The following CGRRF1 variants were observed in gnomAD, a reference collection of about 807,000 sequenced individuals.
CGRRF1 encodes cell growth regulator with RING finger domain protein 1.
Under a neutral mutation model 37.2 loss-of-function variants are expected in CGRRF1, and 32 were observed. That is an observed-to-expected ratio of 0.86 (90% CI 0.65 to 1.16). The LOEUF (loss-of-function observed/expected upper bound fraction) is 1.16. Ranked by LOEUF, CGRRF1 falls within the 50% of genes most tolerant of loss-of-function variation. The pLI is 0.00. For synonymous variants in CGRRF1, 141 were observed against 140.3 expected, an observed-to-expected ratio of 1.00 and a Z score of -0.04; for missense variants, 391 against 382.6, an observed-to-expected ratio of 1.02 and a Z score of -0.18.
chr14:54,530,155 C>G lies in CGRRF1; in HGVS notation c.351C>G (p.Cys117Trp). 1 of 1,613,478 alleles carries G rather than the reference C, an allele frequency of 6.2e-7. No individual in the cohort carries two copies. The highest frequency in any genetic ancestry group is 2.2e-5 in the East Asian group (1 of 44,854). The change falls in exon 3 of 6, where the codon TGC becomes TGG. Residue 117 changes from cysteine to tryptophan, a missense_variant. Transcript: ENST00000216420. ...AAGCTCTGCAGAAGCATGTTTATTGCTTCAGAATAAGCACTCCCCAAGCAT... is the reference window on the plus strand; with the variant it reads ...AAGCTCTGCAGAAGCATGTTTATTGGTTCAGAATAAGCACTCCCCAAGCAT... ...LYEALQKHVY[C>W]FRISTPQALE...
rs1175287499 is a variant in CGRRF1, at chr14:54,530,050, T to C, written c.246T>C (p.Thr82=). ...ITNPSSASIT[T]GITLTTDCLE... ...TTCTTTCTCCTTTGTTTTTTACAGC[T>C]GGCATAACCTTGACAACAGATTGCC... Residue 82 remains threonine, a splice_region_variant and synonymous_variant, in exon 3 of 6, where the codon ACT becomes ACC. Transcript: ENST00000216420. 22 of 1,600,652 alleles carry C rather than the reference T, an allele frequency of 1.4e-5. No homozygotes were observed. The highest frequency in any genetic ancestry group is 1.9e-5 in the Non-Finnish European group (22 of 1,169,940).
chr14:54,534,501 G>A (rs996733150), intron 4 of CGRRF1, among the ~76,000 whole-genome samples: 1 of 152,098 alleles, frequency 6.6e-6, no homozygotes, highest in Admixed American at 6.5e-5. Context: ...AAAGCCTCTG[G>A]TGCCATTACT....
intron 1 of CGRRF1, among the ~76,000 whole-genome samples, chr14:54,515,724 G>A (rs1274835293): frequency 1.3e-5 from 2 of 152,102 alleles, no homozygotes; most frequent in Non-Finnish European, 2.9e-5. Context: ...TGGTATTAAT[G>A]TAGCTACTTC....
intron 1 of CGRRF1, among the ~76,000 whole-genome samples, chr14:54,510,520 T>C (rs1043743950): frequency 6.6e-6 from 1 of 152,236 alleles, no homozygotes; most frequent in Non-Finnish European, 1.5e-5. Context: ...ATGGAGCCCT[T>C]AGCCTCAGAT....
At chr14:54,518,928 G>GTTGTTTTGTTTTGTT (rs557229779) in intron 1 of CGRRF1, among the ~76,000 whole-genome samples, 5 of 151,954 alleles carry the variant, frequency 3.3e-5, no homozygotes, top group African/African-American at 1.2e-4. Flanking sequence ...CTAGGTTTTT[G>GTTGTTTTGTTTTGTT]TTGTTTTGTT....
At chr14:54,524,402 T>TC (rs936719066) in intron 2 of CGRRF1, among the ~76,000 whole-genome samples, 2 of 151,240 alleles carry the variant, frequency 1.3e-5, no homozygotes, top group African/African-American at 4.9e-5. Flanking sequence ...TTTTTTTTTT[T>TC]CGAGACAGGC....
intron 1 of CGRRF1, among the ~76,000 whole-genome samples, chr14:54,520,465 A>C (rs1379127309): frequency 6.6e-6 from 1 of 152,182 alleles, no homozygotes; most frequent in Non-Finnish European, 1.5e-5. Context: ...ACCATTTACC[A>C]AGTGTTATCA....
chr14:54,530,735 A>T, intron 3 of CGRRF1, 168 bp from the exon 4 acceptor site: 1 of 879,090 alleles, frequency 1.1e-6, no homozygotes, highest in Admixed American at 2.4e-5. Context: ...TGCTCTGTGG[A>T]GTGAATGTCT....
At chr14:54,537,630 A>G in intron 4 of CGRRF1, 92 bp from the exon 5 acceptor site, 1 of 1,222,736 alleles carries the variant, frequency 8.2e-7, no homozygotes, top group African/African-American at 1.6e-5. Flanking sequence ...GGCAGAAGAC[A>G]GTGTCTAGAA....
At chr14:54,516,909 A>G (rs1175414281) in intron 1 of CGRRF1, among the ~76,000 whole-genome samples, 4 of 152,130 alleles carry the variant, frequency 2.6e-5, no homozygotes. Context: ...CAAGATTACT[A>G]ATCTTTTATT....
chr14:54,525,417 T>C (rs1466245183), intron 2 of CGRRF1, among the ~76,000 whole-genome samples: 1 of 152,248 alleles, frequency 6.6e-6, no homozygotes, highest in Non-Finnish European at 1.5e-5. Flanking sequence ...GCCTGCACAC[T>C]AGTTGCTAAC....
At chr14:54,518,257 T>A (rs1202466008) in intron 1 of CGRRF1, among the ~76,000 whole-genome samples, 2 of 151,994 alleles carry the variant, frequency 1.3e-5, no homozygotes, top group Non-Finnish European at 2.9e-5. Flanking sequence ...CAAAAGTGTT[T>A]CTTTTAGGCC....
At chr14:54,532,870 T>C (rs892705336) in intron 4 of CGRRF1, among the ~76,000 whole-genome samples, 1 of 152,134 alleles carries the variant, frequency 6.6e-6, no homozygotes, top group Non-Finnish European at 1.5e-5. Context: ...ACCTGTTAAA[T>C]TGGTGTCTCC....
intron 2 of CGRRF1, among the ~76,000 whole-genome samples, chr14:54,525,916 C>G (rs542690029): frequency 6.3e-4 from 96 of 151,818 alleles, no homozygotes; most frequent in African/African-American, 2.2e-3. Context: ...GCCAACATGG[C>G]GAAACCTCAT....
chr14:54,537,503 T>C, intron 4 of CGRRF1: 3 of 342,642 alleles, frequency 8.8e-6, no homozygotes, highest in Non-Finnish European at 1.5e-5. Flanking sequence ...TTAAAATAAC[T>C]CTGCCAAAAA....
chr14:54,529,549 T>C (rs1196200468), intron 2 of CGRRF1, among the ~76,000 whole-genome samples: 1 of 152,242 alleles, frequency 6.6e-6, no homozygotes, highest in African/African-American at 2.4e-5. Context: ...ATGTTGTCAA[T>C]GTATACATTA....
chr14:54,517,427 T>G (rs1334526676), intron 1 of CGRRF1, among the ~76,000 whole-genome samples: 2 of 152,196 alleles, frequency 1.3e-5, no homozygotes, highest in Non-Finnish European at 2.9e-5. Context: ...GAATTTTTAT[T>G]TCATTTGTTA....
At chr14:54,523,359 G>T (rs772188072) in intron 2 of CGRRF1, 3 of 154,088 alleles carry the variant, frequency 1.9e-5, no homozygotes, top group Non-Finnish European at 4.4e-5. Flanking sequence ...GTAATAGATG[G>T]CAGTTGTTTG....
chr14:54,526,875 G>C (rs1429332047), intron 2 of CGRRF1, among the ~76,000 whole-genome samples: 1 of 152,144 alleles, frequency 6.6e-6, no homozygotes, highest in African/African-American at 2.4e-5. Context: ...TGGTCTCCTT[G>C]TTTTATTACT....
Sources: allele counts gnomAD v4.1 joint callset (sites outside exome capture counted in the v4.1 genomes callset), GRCh38; gene constraint gnomAD v4.1.1; transcripts MANE v1.5; gene names NCBI Gene and HGNC (gene_info 2026-07-23, HGNC 2026-07-21).